Variants in ROS1 observed in about 807,000 individuals in gnomAD.
ROS1 encodes the protein ROS proto-oncogene 1, receptor tyrosine kinase.
Under a neutral mutation model 273.5 loss-of-function variants are expected in ROS1, and 263 were observed. The ratio of observed to expected loss-of-function variants is 0.96; its 90% CI spans 0.87 to 1.06. The LOEUF is 1.06. Among genes scored for constraint, ROS1 ranks in the 50% least tolerant of loss-of-function variants. The pLI is 0.00. For missense variants in ROS1, 2,833 were observed against 2,751.1 expected, an observed-to-expected ratio of 1.03 and a Z score of -0.67; for synonymous variants, 1,008 against 954.1, an observed-to-expected ratio of 1.06 and a Z score of -1.04.
chr6:117,409,988 A>G (rs572408605), intron 4 of ROS1, among the ~76,000 whole-genome samples: 1 of 152,338 alleles, frequency 6.6e-6, no homozygotes, highest in East Asian at 1.9e-4. Flanking sequence ...GTTTTATTGA[A>G]ATATATTCAC....
intron 5 of ROS1, among the ~76,000 whole-genome samples, chr6:117,406,328 A>G (rs7771637): frequency 0.53 from 81,016 of 151,470 alleles, 22,312 homozygotes; most frequent in South Asian, 0.68. Context: ...TAAAGTGAAC[A>G]TAGCATACTC....
chr6:117,370,512 A>T (rs1780684161), intron 18 of ROS1, among the ~76,000 whole-genome samples: 1 of 152,172 alleles, frequency 6.6e-6, no homozygotes, highest in Non-Finnish European at 1.5e-5. Flanking sequence ...TTTATAACCT[A>T]TATTTTAATT....
At chr6:117,399,062 A>G (rs1773740911) in intron 7 of ROS1, among the ~76,000 whole-genome samples, 1 of 152,216 alleles carries the variant, frequency 6.6e-6, no homozygotes. Context: ...AACACAATAC[A>G]GATAAGTTTC....
At position 117,352,977 on chromosome 6, in the gene ROS1, G is replaced by A; in HGVS notation, c.4303+13C>T. On this transcript the variant is annotated intron_variant, in intron 27 of 43. Transcript: ENST00000368507. ...TTGGGAGAACAAGCTGATTACGAAT[G>A]TGACTTTATTACCTGGAAAAGGCTG... is the stretch of plus-strand genomic sequence containing the variant. 3 of 1,608,738 alleles carry A rather than the reference G, an allele frequency of 1.9e-6. No homozygotes were observed. Among genetic ancestry groups the A allele is most frequent in the East Asian group, 2.2e-5 (1 of 44,832 alleles).
intron 18 of ROS1, 78 bp from the exon 19 acceptor site, chr6:117,366,368 A>G: frequency 2.1e-6 from 2 of 964,976 alleles, no homozygotes; most frequent in Admixed American, 3.5e-5. Flanking sequence ...TCATGAGAAT[A>G]TATGTTTGTG....
At chr6:117,338,838 G>A (rs556327855) in intron 31 of ROS1, among the ~76,000 whole-genome samples, 1 of 152,188 alleles carries the variant, frequency 6.6e-6, no homozygotes, top group Non-Finnish European at 1.5e-5. Context: ...AAGTGCAGGG[G>A]TGAAGGCTAC....
chr6:117,365,104 C>A lies in ROS1; in HGVS notation c.3059G>T (p.Gly1020Val), dbSNP rs2128659143. The change falls in exon 21 of 44, where the codon GGA (glycine) becomes GTA (valine). Residue 1020 changes from glycine to valine, a missense_variant. Coordinates refer to ENST00000368507, the MANE Select transcript of ROS1 (RefSeq NM_001378902.1). ...TGACAGAGATGTTTTGGGGCCCTTTCCCCAGTAGGTATAAGGAGTGACAGA... is the reference window on the plus strand; with the variant it reads ...TGACAGAGATGTTTTGGGGCCCTTTACCCAGTAGGTATAAGGAGTGACAGA... Reference protein sequence around the residue: ...NLSVTPYTYWGKGPKTSLSLR... With the variant: ...NLSVTPYTYWVKGPKTSLSLR... 6.2e-7 allele frequency: 1 copy of A among 1,613,726 alleles called. No homozygotes were observed. Among genetic ancestry groups the A allele is most frequent in the Non-Finnish European group, 8.5e-7 (1 of 1,179,738 alleles).
intron 32 of ROS1, among the ~76,000 whole-genome samples, chr6:117,334,372 C>T (rs1234084671): frequency 6.6e-6 from 1 of 152,146 alleles, no homozygotes; most frequent in African/African-American, 2.4e-5. Flanking sequence ...AAAAACATTC[C>T]ATCCCCATGG....
intron 10 of ROS1, 115 bp downstream of exon 10, chr6:117,394,501 A>T (rs1047948794): frequency 1.8e-5 from 16 of 870,486 alleles, no homozygotes; most frequent in Middle Eastern, 3.8e-4. Flanking sequence ...CTAATATATT[A>T]GGATATTAAG....
chr6:117,364,844 G>T (rs934847605), intron 21 of ROS1, among the ~76,000 whole-genome samples: 1 of 152,040 alleles, frequency 6.6e-6, no homozygotes, highest in Admixed American at 6.6e-5. Flanking sequence ...CAAATGAAAT[G>T]GCTGTTAAGA....
chr6:117,378,405 G>C (rs1781513670), intron 18 of ROS1, among the ~76,000 whole-genome samples: 1 of 152,136 alleles, frequency 6.6e-6, no homozygotes, highest in African/African-American at 2.4e-5. Context: ...AAAGAAGCCA[G>C]ATACAAAAAG....
At chr6:117,318,079 T>C (rs1776042048) in intron 38 of ROS1, 109 bp downstream of exon 38, 5 of 779,982 alleles carry the variant, frequency 6.4e-6, no homozygotes, top group Non-Finnish European at 1.1e-5. Flanking sequence ...GTTTCAACCA[T>C]GTTGTTTTAG....
At chr6:117,383,235 C>T in intron 17 of ROS1, 82 bp downstream of exon 17, 2 of 1,104,832 alleles carry the variant, frequency 1.8e-6, no homozygotes, top group South Asian at 3.5e-5. Context: ...GCTTTAAGTA[C>T]TCACAATAAG....
chr6:117,421,734 T>C (rs1202635771), intron 1 of ROS1, among the ~76,000 whole-genome samples: 1 of 152,216 alleles, frequency 6.6e-6, no homozygotes, highest in Non-Finnish European at 1.5e-5. Flanking sequence ...TGCTTTTATG[T>C]GTATCAGGGA....
At position 117,317,180 on chromosome 6, in the gene ROS1, T is replaced by A. The variant is rs748581568; in HGVS notation, c.6080A>T (p.Asp2027Val). 6.2e-7 allele frequency: 1 copy of A among 1,613,254 alleles called. No individual in the cohort carries two copies. The highest frequency in any genetic ancestry group is 8.5e-7 in the Non-Finnish European group (1 of 1,179,566). ...GGCTTTACGCAAATAAGTAAGAAGG[T>A]CTCCTCCCTCCATCAGTTCCAGGAT... ...YIILELMEGG[D>V]LLTYLRKARM... is the part of the protein sequence containing the mutation. The change falls in exon 39 of 44, where the codon GAC (aspartate) becomes GTC (valine). Residue 2027 changes from aspartate (D) to valine (V), a missense_variant. Physicochemically the swap from Asp to Val is radical, Grantham distance 152 (BLOSUM62 -3). Transcript: ENST00000368507.
At chr6:117,343,763 T>C (rs1778138719) in intron 28 of ROS1, among the ~76,000 whole-genome samples, 1 of 152,204 alleles carries the variant, frequency 6.6e-6, no homozygotes, top group Non-Finnish European at 1.5e-5. Flanking sequence ...TCTATCATTC[T>C]CTCTGAGGAT....
Position 117,403,127 on chromosome 6 carries a change from T to C in ROS1, c.604+12A>G, listed in dbSNP as rs775826215. The C allele has an allele frequency of 5.0e-6, 8 of 1,613,526 alleles. No individual in the cohort carries two copies. The East Asian group carries it at 1.8e-4, about 36-fold the overall frequency. ...ATAATGTCCTTTCATAAGAAATGTG[T>C]GCACACCATACCTCCATGAGGATGA... is the stretch of plus-strand genomic sequence containing the variant. On this transcript the variant is annotated intron_variant, in intron 7 of 43. Transcript: ENST00000368507.
Position 117,387,000 on chromosome 6 carries a change from CT to C in ROS1, c.2000-2del. On this transcript the variant is annotated splice_acceptor_variant, in intron 14 of 43. Transcript: ENST00000368507. LOFTEE classifies it high-confidence loss of function. ...GCCATGATAAATGGTGGTTCACTAG[CT>C]GTTTAGTAAAAAAGAAATTAAAAGA... The C allele has an allele frequency of 6.3e-7, 1 of 1,575,638 alleles. No homozygotes were observed. Among genetic ancestry groups the C allele is most frequent in the Non-Finnish European group, 8.7e-7 (1 of 1,147,314 alleles).
rs997325788 is a variant in ROS1, at chr6:117,309,060, C to T, written c.6417-132G>A. ...AGTGTATTATTGGCCTCATAAAAGG[C>T]AAACGGCAGATATAAAAGCAGGCTG... is the stretch of plus-strand genomic sequence containing the variant. On this transcript the variant is annotated intron_variant, in intron 41 of 43. Transcript: ENST00000368507. 22 of 743,308 alleles carry T rather than the reference C, an allele frequency of 3.0e-5. No homozygotes were observed. The African/African-American group carries it at 3.4e-4, about 11-fold the overall frequency. 46.0% of individuals were successfully genotyped at this position (743,308 alleles called of 1,614,324 possible).
Sources: allele counts gnomAD v4.1 joint callset (sites outside exome capture counted in the v4.1 genomes callset), GRCh38; gene constraint gnomAD v4.1.1; transcripts MANE v1.5; gene names NCBI Gene and HGNC (gene_info 2026-07-23, HGNC 2026-07-21).